GLIS3: variants seen among roughly 807,000 people sequenced by gnomAD.
GLIS3 encodes the protein zinc finger protein GLIS3.
In GLIS3, 53 loss-of-function variants were observed where a neutral mutation model predicts 78.6. The observed-to-expected ratio is 0.67, with a 90% CI of 0.54 to 0.85. The LOEUF is 0.85. GLIS3 is among the 40% of genes least tolerant of loss of function. GLIS3 has a pLI of 0.00. For missense variants in GLIS3, 1,703 were observed against 1,231.1 expected, an observed-to-expected ratio of 1.38 and a Z score of -5.74; for synonymous variants, 684 against 509.9, an observed-to-expected ratio of 1.34 and a Z score of -4.60.
At chr9:4,216,266 A>T (rs1056301757) in intron 2 of GLIS3, among the ~76,000 whole-genome samples, 3 of 151,922 alleles carry the variant, frequency 2.0e-5, no homozygotes, top group Admixed American at 2.0e-4. Flanking sequence ...AGGTCAGGAA[A>T]TCGAGACCAT....
chr9:4,224,422 T>C (rs1025606890), intron 2 of GLIS3, among the ~76,000 whole-genome samples: 6 of 152,242 alleles, frequency 3.9e-5, no homozygotes, highest in Non-Finnish European at 8.8e-5. Context: ...TTCTGTGAGA[T>C]GTCGTTCATC....
chr9:4,026,641 T>A (rs1823373835), intron 4 of GLIS3, among the ~76,000 whole-genome samples: 1 of 152,202 alleles, frequency 6.6e-6, no homozygotes, highest in Non-Finnish European at 1.5e-5. Flanking sequence ...GATCATTTTG[T>A]GATAAATAAT....
At chr9:3,966,236 G>T (rs1203551425) in intron 4 of GLIS3, among the ~76,000 whole-genome samples, 1 of 152,228 alleles carries the variant, frequency 6.6e-6, no homozygotes, top group Admixed American at 6.5e-5. Context: ...GAATGGGATT[G>T]ATGAAATCTA....
chr9:3,986,590 A>G (rs1588392093), intron 4 of GLIS3, among the ~76,000 whole-genome samples: 1 of 152,204 alleles, frequency 6.6e-6, no homozygotes, highest in African/African-American at 2.4e-5. Context: ...CTAATTAACT[A>G]TTAAATGTCT....
At chr9:4,437,680 T>A in the GLIS3 span, among the ~76,000 whole-genome samples, 1 of 152,108 alleles carries the variant, frequency 6.6e-6, no homozygotes, top group Non-Finnish European at 1.5e-5. Context: ...CAAGTGTGCC[T>A]GCCTTCCCTT....
intron 4 of GLIS3, among the ~76,000 whole-genome samples, chr9:4,094,437 T>C (rs1588658568): frequency 6.6e-6 from 1 of 152,192 alleles, no homozygotes; most frequent in South Asian, 2.1e-4. Flanking sequence ...CTAGTTGCTA[T>C]TTTTAGAGAC....
upstream of GLIS3, among the ~76,000 whole-genome samples, chr9:4,304,946 G>A (rs1308443349): frequency 6.6e-6 from 1 of 152,152 alleles, no homozygotes; most frequent in African/African-American, 2.4e-5. Flanking sequence ...TGGAACAAAT[G>A]ACCAATTGCC....
intron 2 of GLIS3, among the ~76,000 whole-genome samples, chr9:4,175,007 T>C (rs542242824): frequency 4.6e-5 from 7 of 152,348 alleles, no homozygotes; most frequent in South Asian, 2.1e-4. Context: ...GTGTACTTAA[T>C]TGACAGGGGC....
chr9:4,093,424 T>C (rs1029284502), intron 4 of GLIS3, among the ~76,000 whole-genome samples: 20 of 152,192 alleles, frequency 1.3e-4, no homozygotes, highest in Admixed American at 3.9e-4. Context: ...GAGAGCAGAC[T>C]CAGAGACTCG....
At chr9:4,171,953 C>T (rs10739036) in intron 2 of GLIS3, among the ~76,000 whole-genome samples, 83,849 of 151,940 alleles carry the variant, frequency 0.55, 23,403 homozygotes, top group East Asian at 0.78. Context: ...TATTTTATTT[C>T]ACTTGAGGTG....
the GLIS3 span, among the ~76,000 whole-genome samples, chr9:4,442,054 G>A: frequency 3.3e-5 from 5 of 152,160 alleles, 1 homozygote; most frequent in South Asian, 6.2e-4. Flanking sequence ...ACGTTTGGTA[G>A]AATTCACAGT....
intron 2 of GLIS3, among the ~76,000 whole-genome samples, chr9:4,195,424 G>C (rs1818732585): frequency 6.6e-6 from 1 of 152,208 alleles, no homozygotes. Context: ...CCCAGACAGT[G>C]AGGGGCTTAG....
At chr9:4,192,598 C>G (rs1818424907) in intron 2 of GLIS3, among the ~76,000 whole-genome samples, 1 of 152,124 alleles carries the variant, frequency 6.6e-6, no homozygotes, top group Admixed American at 6.5e-5. Flanking sequence ...TTTAACTATT[C>G]CATTCCACTT....
intron 4 of GLIS3, among the ~76,000 whole-genome samples, chr9:4,024,478 G>C (rs1196882120): frequency 6.6e-6 from 1 of 152,192 alleles, no homozygotes; most frequent in Non-Finnish European, 1.5e-5. Context: ...AGATGGGGCT[G>C]CTCCATGTGG....
intron 4 of GLIS3, among the ~76,000 whole-genome samples, chr9:4,009,187 G>A (rs1051257542): frequency 5.9e-5 from 9 of 152,198 alleles, no homozygotes; most frequent in Non-Finnish European, 1.3e-4. Context: ...CCATGTGCAA[G>A]AGAAAACAAC....
chr9:3,941,386 T>A (rs1295543225), intron 4 of GLIS3, among the ~76,000 whole-genome samples: 9 of 152,130 alleles, frequency 5.9e-5, no homozygotes, highest in East Asian at 5.8e-4. Context: ...TTATTTTTTT[T>A]AAAATTATAC....
At chr9:4,446,331 G>A in the GLIS3 span, among the ~76,000 whole-genome samples, 1 of 152,226 alleles carries the variant, frequency 6.6e-6, no homozygotes, top group South Asian at 2.1e-4. Context: ...AGGCACCATC[G>A]ATGAAGTAGG....
intron 4 of GLIS3, among the ~76,000 whole-genome samples, chr9:3,999,016 T>TAA (rs202087703): frequency 6.6e-6 from 1 of 151,852 alleles, no homozygotes; most frequent in Admixed American, 6.6e-5. Flanking sequence ...TTTCTTTCTA[T>TAA]AAAAAAAGGT....
chr9:4,195,199 C>G (rs909395070), intron 2 of GLIS3, among the ~76,000 whole-genome samples: 1 of 152,244 alleles, frequency 6.6e-6, no homozygotes, highest in African/African-American at 2.4e-5. Context: ...GCTCTGGCCA[C>G]GCTTGAGGAG....
Sources: allele counts gnomAD v4.1 joint callset (sites outside exome capture counted in the v4.1 genomes callset), GRCh38; gene constraint gnomAD v4.1.1; transcripts MANE v1.5; gene names NCBI Gene and HGNC (gene_info 2026-07-23, HGNC 2026-07-21).